RUFY1: variants seen among roughly 807,000 people sequenced by gnomAD.
RUFY1 encodes RUN and FYVE domain containing 1, also known as RUN and FYVE domain-containing protein 1.
RUFY1 carries 54 observed loss-of-function variants against 94.6 expected under a neutral mutation model. The ratio of observed to expected loss-of-function variants is 0.57; its 90% CI spans 0.46 to 0.72. The LOEUF (loss-of-function observed/expected upper bound fraction) is 0.72. Ranked by LOEUF, RUFY1 falls within the 30% of genes least tolerant of loss-of-function variation. RUFY1 has a pLI of 0.00. For missense variants in RUFY1, 883 were observed against 883.9 expected (o/e 1.00, Z 0.01); for synonymous variants, 396 against 347.3 (o/e 1.14, Z -1.56).
In RUFY1 at chr5:179,569,573, C is replaced by T. The variant is rs58516903; in HGVS notation, c.828+148C>T. ...CCAGGGATGCAGCTGGGGAAGGTCT[C>T]GGAAGGGTGAAGAAGTTGCATAGCC... On this transcript the variant is annotated intron_variant, in intron 5 of 17. Transcript: ENST00000319449. 1,407 of 792,534 alleles carry T rather than the reference C, an allele frequency of 1.8e-3. 14 individuals are homozygous for T. In the African/African-American group the frequency reaches 0.018, roughly 10 times the overall value. The allele number at this position is 792,534 out of a possible 1,614,324, so 49.1% of individuals were successfully genotyped here. A position where few individuals can be genotyped will look rare whatever the true frequency, so the allele number is the denominator to read the frequency against.
At chr5:179,588,735 C>CT (rs1192974283) in intron 8 of RUFY1, among the ~76,000 whole-genome samples, 24 of 152,208 alleles carry the variant, frequency 1.6e-4, no homozygotes, top group African/African-American at 5.8e-4. Flanking sequence ...CCCAACTTTT[C>CT]TTTTTTCTTT....
chr5:179,605,918 A>C lies in RUFY1; in HGVS notation c.1899A>C (p.Ala633=), dbSNP rs747413717. 1 of 1,605,200 alleles carries C rather than the reference A, an allele frequency of 6.2e-7. No individual in the cohort carries two copies. Among genetic ancestry groups the C allele is most frequent in the Non-Finnish European group, 8.5e-7 (1 of 1,173,402 alleles). ...KMEDIKEVNQ[A]LKGHAWLKDD... is the part of the protein sequence containing the mutation. The stretch of plus-strand genomic sequence containing the variant: ...AAGATATAAAAGAAGTGAACCAGGC[A>C]CTGAAGGTACTGCCTTGCTAAGAAC... Residue 633 remains alanine (A), a synonymous_variant, in exon 16 of 18, where the codon GCA becomes GCC. Coordinates refer to ENST00000319449, the MANE Select transcript of RUFY1 (RefSeq NM_025158.5).
chr5:179,596,408 T>G, intron 12 of RUFY1, 154 bp from the exon 13 acceptor site: 1 of 962,420 alleles, frequency 1.0e-6, no homozygotes, highest in Non-Finnish European at 1.6e-6. Flanking sequence ...CCGTCCTGTA[T>G]TCTGATTGTG....
chr5:179,609,248 C>T, intron 17 of RUFY1, 128 bp from the exon 18 acceptor site: 1 of 904,620 alleles, frequency 1.1e-6, no homozygotes. Flanking sequence ...CACACAGCCC[C>T]TCACCACCCC....
chr5:179,555,805 T>C, intron 1 of RUFY1: 4 of 70,304 alleles, frequency 5.7e-5, no homozygotes, highest in South Asian at 3.4e-4. Flanking sequence ...TTTTTTGGAT[T>C]TTTTTTTTTT....
chr5:179,596,663 C>G lies in RUFY1; in HGVS notation c.1613C>G (p.Ser538Cys), dbSNP rs1345686145. ...ATCGGCGCCCTGCAGCTGCAGCTCT[C>G]CCAGCTGCACGAGCAATGGTAGGGG... ...GRIGALQLQL[S>C]QLHEQCSSLE... Residue 538 changes from serine to cysteine, a missense_variant, in exon 13 of 18, where the codon TCC becomes TGC. Ser to Cys is a moderately radical substitution (Grantham distance 112). Coordinates refer to ENST00000319449, the MANE Select transcript of RUFY1 (RefSeq NM_025158.5). 4 of 1,604,664 alleles carry G rather than the reference C, an allele frequency of 2.5e-6. No individual in the cohort carries two copies. The highest frequency in any genetic ancestry group is 1.1e-5 in the South Asian group (1 of 90,078).
chr5:179,552,675 T>A (rs1399772664), intron 1 of RUFY1, among the ~76,000 whole-genome samples: 1 of 152,160 alleles, frequency 6.6e-6, no homozygotes, highest in Non-Finnish European at 1.5e-5. Context: ...TCTTAGATAT[T>A]TCGTGGCAGG....
At chr5:179,598,562 G>C (rs527634486) in intron 13 of RUFY1, 130 bp from the exon 14 acceptor site, 12 of 1,034,496 alleles carry the variant, frequency 1.2e-5, no homozygotes, top group Middle Eastern at 2.1e-4. Flanking sequence ...AGAGGGAAGC[G>C]TTGCCGAAGG....
intron 15 of RUFY1, among the ~76,000 whole-genome samples, chr5:179,605,551 C>T (rs375271909): frequency 6.6e-6 from 1 of 152,184 alleles, no homozygotes; most frequent in African/African-American, 2.4e-5. Context: ...TAGTGCAGAA[C>T]AGGGCCAGGT....
Position 179,609,390 on chromosome 5 carries a change from CTG to C in RUFY1, c.2001_2002del (p.Cys667TrpfsTer141), listed in dbSNP as rs1273864848. ...CCGTCCTGTAGCACCACTGCCGGAA[CTG>C]TGGCCACATCTTCTGCAACACCTGC... is the stretch of plus-strand genomic sequence containing the variant. ...ISRRKHHCRN[C>X]GHIFCNTCSS... is the part of the protein sequence containing the mutation. On this transcript the variant is annotated frameshift_variant, in exon 18 of 18. Coordinates refer to ENST00000319449, the MANE Select transcript of RUFY1 (RefSeq NM_025158.5). LOFTEE classifies it high-confidence loss of function. The C allele has an allele frequency of 6.2e-7, 1 of 1,613,552 alleles. No individual in the cohort carries two copies. The highest frequency in any genetic ancestry group is 8.5e-7 in the Non-Finnish European group (1 of 1,179,928).
intron 16 of RUFY1, chr5:179,607,365 G>C (rs1767205607): frequency 3.5e-6 from 2 of 573,440 alleles, no homozygotes; most frequent in Admixed American, 6.2e-5. Context: ...CAGAGGCCAA[G>C]AGGTGGAGCA....
At chr5:179,608,655 C>T (rs984588409) in intron 17 of RUFY1, 5 of 984,844 alleles carry the variant, frequency 5.1e-6, no homozygotes, top group Admixed American at 6.2e-5. Flanking sequence ...AGGCCGGGCA[C>T]GGTGGCTCAT....
At chr5:179,594,130 C>T (rs988519478) in intron 11 of RUFY1, among the ~76,000 whole-genome samples, 12 of 151,786 alleles carry the variant, frequency 7.9e-5, no homozygotes, top group African/African-American at 9.7e-5. Flanking sequence ...GGTGAAACAC[C>T]GTCTCTACTA....
intron 5 of RUFY1, among the ~76,000 whole-genome samples, chr5:179,573,041 A>G (rs1250392898): frequency 6.6e-6 from 1 of 152,216 alleles, no homozygotes; most frequent in Non-Finnish European, 1.5e-5. Context: ...TTGAAATTCC[A>G]CTTTTATCAT....
chr5:179,577,582 G>C (rs913547519), intron 6 of RUFY1, among the ~76,000 whole-genome samples: 2 of 144,884 alleles, frequency 1.4e-5, no homozygotes, highest in African/African-American at 5.4e-5. Context: ...GCGTGGTGGG[G>C]CTGGAGGGGA....
chr5:179,599,300 G>C (rs927110837), intron 14 of RUFY1: 1 of 155,358 alleles, frequency 6.4e-6, no homozygotes, highest in Non-Finnish European at 1.4e-5. Context: ...GACAGGATCC[G>C]TTCTGTTTGC....
At position 179,575,119 on chromosome 5, in the gene RUFY1, T is replaced by G. The variant is rs908604316; in HGVS notation, c.829-1956T>G. 5.3e-5 allele frequency among the ~76,000 whole-genome samples: 8 copies of G among 149,572 alleles called. No homozygotes were observed. In the East Asian group the frequency reaches 1.6e-3, roughly 30 times the overall value. ...AAAATTTTTCTAGAAGCTTTTCTACTTTTTCTATACATTTATGTTCACGTA... is the reference window on the plus strand; with the variant it reads ...AAAATTTTTCTAGAAGCTTTTCTACGTTTTCTATACATTTATGTTCACGTA... On this transcript the variant is annotated intron_variant, in intron 5 of 17. Transcript: ENST00000319449.
At chr5:179,597,688 T>A (rs1765810048) in intron 13 of RUFY1, among the ~76,000 whole-genome samples, 1 of 151,998 alleles carries the variant, frequency 6.6e-6, no homozygotes, top group African/African-American at 2.4e-5. Context: ...TTTTTTGAGA[T>A]AATATATATG....
intron 5 of RUFY1, among the ~76,000 whole-genome samples, chr5:179,571,692 A>G (rs1334065568): frequency 1.3e-5 from 2 of 152,156 alleles, no homozygotes; most frequent in Admixed American, 6.5e-5. Flanking sequence ...GTGGGAGAGA[A>G]CACATTTCCT....
Sources: gnomAD v4.1 joint callset for allele counts (sites outside exome capture counted in the v4.1 genomes callset) on GRCh38, gnomAD v4.1.1 for gene constraint, MANE v1.5 for transcripts, NCBI Gene and HGNC (gene_info 2026-07-23, HGNC 2026-07-21) for gene names.